ZNF675: variants seen among roughly 807,000 people sequenced by gnomAD.
The protein encoded by ZNF675 is TRAF6 inhibitory zinc finger.
A neutral mutation model predicts 56.1 loss-of-function variants in ZNF675; 36 were observed. The observed-to-expected ratio is 0.64, with a 90% confidence interval of 0.49 to 0.85. The LOEUF is 0.85. Ranked by LOEUF, ZNF675 falls within the 40% of genes least tolerant of loss-of-function variation. The pLI is 0.00. For missense variants in ZNF675, 663 were observed against 654.2 expected, an observed-to-expected ratio of 1.01 and a Z score of -0.15; for synonymous variants, 200 against 218.9, an observed-to-expected ratio of 0.91 and a Z score of 0.76.
chr19:23,658,908 G>GATCT (rs1568289217), intron 3 of ZNF675, among the ~76,000 whole-genome samples: 833 of 24,850 alleles, frequency 0.034, 28 homozygotes, highest in Non-Finnish European at 0.048. Flanking sequence ...GATATCTATA[G>GATCT]ATAGATATAG....
At chr19:23,657,346 T>C (rs907086917) in intron 3 of ZNF675, among the ~76,000 whole-genome samples, 2 of 152,318 alleles carry the variant, frequency 1.3e-5, no homozygotes, top group African/African-American at 2.4e-5. Context: ...AATCTTTACA[T>C]GAATTACCTT....
intron 1 of ZNF675, among the ~76,000 whole-genome samples, chr19:23,676,093 A>C (rs1371230204): frequency 6.6e-6 from 1 of 151,546 alleles, no homozygotes; most frequent in Admixed American, 6.6e-5. Flanking sequence ...ACAGTAACTA[A>C]ATAATCTAGA....
chr19:23,661,939 T>C, intron 3 of ZNF675, 175 bp downstream of exon 3: 2 of 536,916 alleles, frequency 3.7e-6, no homozygotes, highest in South Asian at 4.9e-5. Context: ...TTAGAGAATT[T>C]AAAAGCATAA....
chr19:23,653,715 T>A lies in ZNF675; in HGVS notation c.1218A>T (p.Lys406Asn). The A allele has an allele frequency of 6.2e-7, 1 of 1,607,320 alleles. No homozygotes were observed. The highest frequency in any genetic ancestry group is 8.5e-7 in the Non-Finnish European group (1 of 1,177,664). ...TATGTGTAGTAAGGGCTGAGGAGTG[T>A]TTAAAAGCTTTGCCACATTCTTTAC... ...YKCKECGKAFKHSSALTTHKR... is the reference protein window; with the variant it reads ...YKCKECGKAFNHSSALTTHKR... Residue 406 changes from lysine (K) to asparagine (N), a missense_variant, in exon 4 of 4, where the codon AAA becomes AAT. This residue lies in a region of ZNF675 where 617 missense variants were observed against 590.5 expected (regional missense o/e 1.04). Transcript: ENST00000359788.
Position 23,653,377 on chromosome 19 carries a change from C to A in ZNF675, c.1556G>T (p.Arg519Leu). 2 of 1,613,300 alleles carry A rather than the reference C, an allele frequency of 1.2e-6. No individual in the cohort carries two copies. Among genetic ancestry groups the A allele is most frequent in the Non-Finnish European group, 1.7e-6 (2 of 1,179,924 alleles). The change falls in exon 4 of 4, where the codon CGA becomes CTA. Residue 519 changes from arginine to leucine, a missense_variant. Transcript: ENST00000359788. ...CTTATGTTCAGTAAGTTTTGAGGAT[C>A]GGCTAAAAGCTTTGCCACATTCTTC... Reference protein sequence around the residue: ...KCEECGKAFSRSSKLTEHKII... With the variant: ...KCEECGKAFSLSSKLTEHKII...
chr19:23,685,015 C>CT (rs1437127111), intron 1 of ZNF675, among the ~76,000 whole-genome samples: 2 of 151,660 alleles, frequency 1.3e-5, no homozygotes, highest in African/African-American at 4.8e-5. Flanking sequence ...CTTAGTTTTT[C>CT]TTTTTTTGAG....
intron 1 of ZNF675, among the ~76,000 whole-genome samples, chr19:23,663,898 G>C (rs1968115462): frequency 6.6e-6 from 1 of 151,874 alleles, no homozygotes; most frequent in South Asian, 2.1e-4. Flanking sequence ...TAGAAATGTT[G>C]AGTTATCTAC....
chr19:23,653,318 C>T lies in ZNF675; in HGVS notation c.1615G>A (p.Glu539Lys), dbSNP rs763208432. The T allele has an allele frequency of 9.3e-6, 15 of 1,613,592 alleles. No homozygotes were observed. The highest frequency in any genetic ancestry group is 4.2e-6 in the Non-Finnish European group (5 of 1,179,940). Reference protein sequence around the residue: ...IHTGEKPYKCERCDKAFNQSA... With the variant: ...IHTGEKPYKCKRCDKAFNQSA... ...TGGTTAAAAGCTTTGTCACATCTCT[C>T]ACATTTATAGGGTTTCTCTCCAGTA... The change falls in exon 4 of 4, where the codon GAG becomes AAG. Residue 539 changes from glutamate to lysine, a missense_variant. By Grantham distance (56) the Glu-to-Lys change is moderately conservative. Coordinates refer to ENST00000359788, the MANE Select transcript of ZNF675 (RefSeq NM_138330.3).
chr19:23,682,071 C>A (rs1263502853), intron 1 of ZNF675, among the ~76,000 whole-genome samples: 4 of 151,700 alleles, frequency 2.6e-5, no homozygotes, highest in Non-Finnish European at 4.4e-5. Flanking sequence ...TGCATATTTT[C>A]TTCCTTTTCT....
At chr19:23,671,827 T>C (rs1968230071) in intron 1 of ZNF675, among the ~76,000 whole-genome samples, 1 of 152,018 alleles carries the variant, frequency 6.6e-6, no homozygotes, top group Non-Finnish European at 1.5e-5. Flanking sequence ...TCCAGACCTC[T>C]TCCTTGTTTT....
At chr19:23,674,594 G>T (rs1307619644) in intron 1 of ZNF675, among the ~76,000 whole-genome samples, 1 of 146,954 alleles carries the variant, frequency 6.8e-6, no homozygotes, top group South Asian at 2.2e-4. Flanking sequence ...AGTGAGCCTG[G>T]TCGACAGAAC....
chr19:23,666,073 G>A (rs1264909174), intron 1 of ZNF675, among the ~76,000 whole-genome samples: 1 of 152,210 alleles, frequency 6.6e-6, no homozygotes, highest in Admixed American at 6.5e-5. Context: ...AATAGGGTCT[G>A]GAGGCAGGGA....
chr19:23,669,645 G>A (rs567640213), intron 1 of ZNF675, among the ~76,000 whole-genome samples: 246 of 152,142 alleles, frequency 1.6e-3, no homozygotes, highest in Non-Finnish European at 2.5e-3. Context: ...ATGCTGAGGC[G>A]GACAGATCAT....
rs756708806 is a variant in ZNF675 at position 23,653,264 on chromosome 19, T to C, written c.1669A>G (p.Ile557Val). The C allele has an allele frequency of 1.2e-6, 2 of 1,609,456 alleles. No homozygotes were observed. Among genetic ancestry groups the C allele is most frequent in the South Asian group, 2.2e-5 (2 of 90,374 alleles). Residue 557 changes from isoleucine to valine, a missense_variant, in exon 4 of 4, where the codon ATA (isoleucine) becomes GTA (valine). Transcript: ENST00000359788. Reference protein sequence around the residue: ...QSANLTKHKKIHTGEKLQNWN... With the variant: ...QSANLTKHKKVHTGEKLQNWN... Reference sequence around the variant, plus strand: ...TTCTGTAGTTTCTCTCCAGTATGTATTTTTTTATGTTTAGTAAGGTTTGCA... The same window carrying C: ...TTCTGTAGTTTCTCTCCAGTATGTACTTTTTTATGTTTAGTAAGGTTTGCA...
intron 3 of ZNF675, 97 bp from the exon 4 acceptor site, chr19:23,654,803 G>T: frequency 1.0e-6 from 1 of 992,070 alleles, no homozygotes. Context: ...TAAGCAAGAT[G>T]GCACCACAGG....
chr19:23,679,812 GA>G (rs1205054106), intron 1 of ZNF675, among the ~76,000 whole-genome samples: 1 of 151,288 alleles, frequency 6.6e-6, no homozygotes, highest in East Asian at 1.9e-4. Context: ...CCAACATGGT[GA>G]AACCCTATCT....
chr19:23,676,801 G>A (rs573917966), intron 1 of ZNF675, among the ~76,000 whole-genome samples: 25 of 150,882 alleles, frequency 1.7e-4, no homozygotes, highest in South Asian at 1.5e-3. Context: ...ACGGCCGGGC[G>A]CGGTGGCTCA....
intron 1 of ZNF675, among the ~76,000 whole-genome samples, chr19:23,672,949 G>GATTGGATGT (rs1968245349): frequency 6.6e-6 from 1 of 152,134 alleles, no homozygotes; most frequent in Non-Finnish European, 1.5e-5. Context: ...ATTAATTATT[G>GATTGGATGT]ACTGGATGTA....
At chr19:23,685,993 C>CT (rs1406384104) in intron 1 of ZNF675, among the ~76,000 whole-genome samples, 2 of 152,126 alleles carry the variant, frequency 1.3e-5, no homozygotes, top group Non-Finnish European at 2.9e-5. Context: ...TTTAAAAACT[C>CT]TAACTCAAAT....
Sources: allele counts gnomAD v4.1 joint callset (sites outside exome capture counted in the v4.1 genomes callset), GRCh38; gene constraint gnomAD v4.1.1; regional missense constraint gnomAD v4.1.1; transcripts MANE v1.5; gene names NCBI Gene and HGNC (gene_info 2026-07-23, HGNC 2026-07-21).